Variants in KLF12 observed in about 807,000 individuals in gnomAD.
KLF12 encodes the protein Krueppel-like factor 12.
Under a neutral mutation model 37.8 loss-of-function variants are expected in KLF12, and 9 were observed. The observed-to-expected ratio is 0.24, with a 90% confidence interval of 0.14 to 0.42. KLF12 has a LOEUF of 0.42. Among genes scored for constraint, KLF12 ranks in the 10% least tolerant of loss-of-function variants. The probability of loss-of-function intolerance (pLI) is 1.00; values close to 1 mark genes in which losing one functional copy is unlikely to be tolerated. For synonymous variants in KLF12, 208 were observed against 202.1 expected, an observed-to-expected ratio of 1.03 and a Z score of -0.25; for missense variants, 411 against 516.0, an observed-to-expected ratio of 0.80 and a Z score of 1.97.
chr13:73,762,080 G>C (rs2090151681), intron 6 of KLF12, among the ~76,000 whole-genome samples: 1 of 152,074 alleles, frequency 6.6e-6, no homozygotes, highest in Non-Finnish European at 1.5e-5. Context: ...TGTTATTGGG[G>C]TGCTAATATA....
chr13:73,976,974 A>T (rs550764549), intron 2 of KLF12, among the ~76,000 whole-genome samples: 1 of 152,308 alleles, frequency 6.6e-6, no homozygotes, highest in South Asian at 2.1e-4. Flanking sequence ...AAGGTCGCAG[A>T]AATTTTAAGA....
chr13:73,914,150 AAACCCTAT>A (rs1888701835), intron 3 of KLF12, among the ~76,000 whole-genome samples: 1 of 152,080 alleles, frequency 6.6e-6, no homozygotes, highest in Admixed American at 6.5e-5. Flanking sequence ...GACCTACCTT[AAACCCTAT>A]TTTCTGACTT....
chr13:73,964,078 G>A (rs751465573), intron 2 of KLF12, among the ~76,000 whole-genome samples: 6 of 152,160 alleles, frequency 3.9e-5, no homozygotes, highest in Non-Finnish European at 7.3e-5. Flanking sequence ...TGAAAGTACT[G>A]ACAGATTCCT....
chr13:73,848,347 T>A (rs1885139042), intron 3 of KLF12, among the ~76,000 whole-genome samples: 1 of 152,046 alleles, frequency 6.6e-6, no homozygotes, highest in Admixed American at 6.6e-5. Context: ...GTAAGGAGAT[T>A]GCTTGTGAGG....
intron 1 of KLF12, among the ~76,000 whole-genome samples, chr13:74,022,891 T>TC (rs1892880000): frequency 6.7e-6 from 1 of 149,520 alleles, no homozygotes; most frequent in East Asian, 2.0e-4. Flanking sequence ...AAAAAAAAAA[T>TC]CACCGGGAGC....
At chr13:73,877,874 G>A (rs1380563484) in intron 3 of KLF12, among the ~76,000 whole-genome samples, 1 of 152,120 alleles carries the variant, frequency 6.6e-6, no homozygotes, top group African/African-American at 2.4e-5. Context: ...CAGCTCTAAA[G>A]AGAACAGGTA....
intron 1 of KLF12, among the ~76,000 whole-genome samples, chr13:74,086,044 A>G (rs1459938366): frequency 2.5e-5 from 3 of 120,132 alleles, no homozygotes; most frequent in African/African-American, 9.6e-5. Context: ...AATATTTCAT[A>G]TATTTTAAAA....
chr13:73,839,037 G>C lies in KLF12; in HGVS notation c.670+6790C>G, dbSNP rs975393495. On this transcript the variant is annotated intron_variant, in intron 4 of 7. Coordinates refer to ENST00000377669, the MANE Select transcript of KLF12 (RefSeq NM_007249.5). Reference sequence around the variant, plus strand: ...GTTACTGGCTCAGGTATAGAAGAGAGGAGATGCGTCCTTTTGTTTTTTTCT... The same window carrying C: ...GTTACTGGCTCAGGTATAGAAGAGACGAGATGCGTCCTTTTGTTTTTTTCT... Among the ~76,000 whole-genome samples the C allele has an allele frequency of 3.2e-4, 49 of 151,946 alleles. 1 individual carries two copies. Among genetic ancestry groups the C allele is most frequent in the Non-Finnish European group, 1.6e-4 (11 of 67,990 alleles).
intron 4 of KLF12, among the ~76,000 whole-genome samples, chr13:73,829,235 G>A (rs996135417): frequency 1.3e-5 from 2 of 152,192 alleles, no homozygotes; most frequent in South Asian, 4.2e-4. Context: ...CACAATTCCC[G>A]GGTAAAGCAA....
chr13:73,868,204 C>T (rs946870296), intron 3 of KLF12, among the ~76,000 whole-genome samples: 6 of 143,548 alleles, frequency 4.2e-5, no homozygotes, highest in Admixed American at 2.9e-4. Flanking sequence ...CCTAGCTACT[C>T]GGGAGGCTGA....
intron 4 of KLF12, among the ~76,000 whole-genome samples, chr13:73,821,022 A>C (rs978886467): frequency 3.9e-5 from 6 of 152,228 alleles, no homozygotes; most frequent in Non-Finnish European, 8.8e-5. Flanking sequence ...AACAGGATTG[A>C]GTCGTTGTCA....
At chr13:74,279,453 T>A in the KLF12 span, among the ~76,000 whole-genome samples, 59 of 150,718 alleles carry the variant, frequency 3.9e-4, no homozygotes, top group Admixed American at 2.1e-3. Flanking sequence ...GTAAGAAAAA[T>A]TTTTTTTTTC....
intron 6 of KLF12, among the ~76,000 whole-genome samples, chr13:73,750,086 G>T (rs1878639331): frequency 6.6e-6 from 1 of 152,160 alleles, no homozygotes; most frequent in African/African-American, 2.4e-5. Flanking sequence ...CAAACATTTT[G>T]TCAGGCATAA....
chr13:74,051,537 C>A lies in KLF12; in HGVS notation c.-31-56484G>T, dbSNP rs1570740. Among the ~76,000 whole-genome samples the A allele has an allele frequency of 3.1e-3, 466 of 152,140 alleles. 25 individuals are homozygous for A. The East Asian group carries it at 0.078, about 25-fold the overall frequency. The stretch of plus-strand genomic sequence containing the variant: ...GATAAAGAAAGTAAAATGAGTGAAA[C>A]AGCAGAGGTGTCTTGTCTTCCTGGT... On this transcript the variant is annotated intron_variant, in intron 1 of 7. Coordinates refer to ENST00000377669, the MANE Select transcript of KLF12 (RefSeq NM_007249.5).
the KLF12 span, among the ~76,000 whole-genome samples, chr13:74,192,965 A>G: frequency 6.6e-6 from 1 of 151,126 alleles, no homozygotes; most frequent in South Asian, 2.1e-4. Context: ...TCTTTCTTTT[A>G]AGGAACTTTT....
At chr13:74,271,547 A>G in the KLF12 span, among the ~76,000 whole-genome samples, 1 of 152,190 alleles carries the variant, frequency 6.6e-6, no homozygotes, top group African/African-American at 2.4e-5. Context: ...ATAATACCTT[A>G]GTTTCTACTC....
At chr13:74,115,045 A>T (rs919052784) in intron 1 of KLF12, among the ~76,000 whole-genome samples, 8 of 152,078 alleles carry the variant, frequency 5.3e-5, no homozygotes, top group Admixed American at 2.0e-4. Context: ...CTGTGGGAAA[A>T]TTGCCTTCCA....
chr13:74,043,620 A>T (rs1350714545), intron 1 of KLF12, among the ~76,000 whole-genome samples: 2 of 152,216 alleles, frequency 1.3e-5, no homozygotes, highest in African/African-American at 4.8e-5. Flanking sequence ...CCCATTTCTT[A>T]AAAGCACAAA....
rs187175042 is a variant in KLF12, at chr13:74,095,388, G to A, written c.-32+38351C>T. 1.6e-4 allele frequency among the ~76,000 whole-genome samples: 17 copies of A among 105,364 alleles called. No homozygotes were observed. In the East Asian group the frequency reaches 2.9e-3, roughly 18 times the overall value. The allele number at this position is 105,364 out of a possible 152,430, so 69.1% of individuals were successfully genotyped here. A position where few individuals can be genotyped will look rare whatever the true frequency, so the allele number is the denominator to read the frequency against. On this transcript the variant is annotated intron_variant, in intron 1 of 7. Coordinates refer to ENST00000377669, the MANE Select transcript of KLF12 (RefSeq NM_007249.5). ...GAATACTTGTAGTGCCTTTTTTATC[G>A]TATTTTTTTTTCCTTTTGGAGACAG...
Sources: allele counts gnomAD v4.1 joint callset (sites outside exome capture counted in the v4.1 genomes callset), GRCh38; gene constraint gnomAD v4.1.1; transcripts MANE v1.5; gene names NCBI Gene and HGNC (gene_info 2026-07-23, HGNC 2026-07-21).